The following CNTN6 variants were observed in gnomAD, a reference collection of about 807,000 sequenced individuals.
CNTN6 encodes contactin-6.
A neutral mutation model predicts 122.8 loss-of-function variants in CNTN6; 137 were observed. The ratio of observed to expected loss-of-function variants is 1.12; its 90% confidence interval spans 0.97 to 1.29. The LOEUF is 1.29. CNTN6 is among the 50% of genes most tolerant of loss of function. CNTN6 has a pLI of 0.00. For synonymous variants in CNTN6, 570 were observed against 426.0 expected (o/e 1.34, Z -4.16); for missense variants, 1,634 against 1,223.4 (o/e 1.34, Z -5.01).
At chr3:1,244,131 G>A (rs1575392633) in intron 4 of CNTN6, among the ~76,000 whole-genome samples, 2 of 152,148 alleles carry the variant, frequency 1.3e-5, no homozygotes, top group Admixed American at 1.3e-4. Context: ...CTGGGGCCAA[G>A]CGGTGTTGCA....
chr3:1,266,107 C>T (rs1301432564), intron 4 of CNTN6, among the ~76,000 whole-genome samples: 5 of 151,796 alleles, frequency 3.3e-5, no homozygotes, highest in Non-Finnish European at 7.4e-5. Flanking sequence ...TTCTGCTTAT[C>T]TCTCAGGGTT....
At chr3:1,316,963 T>C (rs1319310586) in intron 7 of CNTN6, among the ~76,000 whole-genome samples, 1 of 151,888 alleles carries the variant, frequency 6.6e-6, no homozygotes, top group African/African-American at 2.4e-5. Context: ...TGCATACATA[T>C]TTTTAAATAA....
chr3:1,245,333 T>G lies in CNTN6; in HGVS notation c.358+17340T>G, dbSNP rs543751312. On this transcript the variant is annotated intron_variant, in intron 4 of 22. Transcript: ENST00000446702. ...ATATATATATATATATATATATATA[T>G]ATAGCATGGAATACTACTCAGCCAT... Among the ~76,000 whole-genome samples, 123 of 87,380 alleles carry G rather than the reference T, an allele frequency of 1.4e-3. 6 individuals carry two copies. Among genetic ancestry groups the G allele is most frequent in the Middle Eastern group, 5.9e-3 (1 of 170 alleles). 57.3% of individuals were successfully genotyped at this position (87,380 alleles called of 152,430 possible).
intron 1 of CNTN6, among the ~76,000 whole-genome samples, chr3:1,110,506 C>T (rs895114973): frequency 1.3e-5 from 2 of 151,952 alleles, no homozygotes; most frequent in East Asian, 3.9e-4. Context: ...CATATTCTAA[C>T]CTTTGAACAT....
chr3:1,213,784 T>G (rs2094083511), intron 2 of CNTN6, among the ~76,000 whole-genome samples: 2 of 150,986 alleles, frequency 1.3e-5, no homozygotes, highest in African/African-American at 4.9e-5. Flanking sequence ...AAAGTAAAAA[T>G]GATAAATAAT....
At chr3:1,215,358 T>A (rs72999895) in intron 2 of CNTN6, among the ~76,000 whole-genome samples, 10,542 of 152,296 alleles carry the variant, frequency 0.069, 455 homozygotes, top group Middle Eastern at 0.11. Flanking sequence ...TTTTTTCACA[T>A]TATGTGAGAT....
At chr3:1,358,567 CA>C (rs1706965515) in intron 12 of CNTN6, among the ~76,000 whole-genome samples, 6 of 151,708 alleles carry the variant, frequency 4.0e-5, no homozygotes. Flanking sequence ...AAGTAGTTAC[CA>C]AATGCTTTCA....
At chr3:1,179,353 A>C (rs781060861) in intron 2 of CNTN6, among the ~76,000 whole-genome samples, 1 of 152,106 alleles carries the variant, frequency 6.6e-6, no homozygotes, top group East Asian at 1.9e-4. Flanking sequence ...GTCTCTACCC[A>C]CACACTTTTG....
intron 2 of CNTN6, among the ~76,000 whole-genome samples, chr3:1,156,689 C>T (rs2092973762): frequency 7.2e-6 from 1 of 138,542 alleles, no homozygotes; most frequent in African/African-American, 2.7e-5. Context: ...CTTTCCCTCC[C>T]TCCCTTCCTT....
intron 7 of CNTN6, among the ~76,000 whole-genome samples, chr3:1,318,806 C>T (rs1700464057): frequency 6.6e-6 from 1 of 151,662 alleles, no homozygotes; most frequent in African/African-American, 2.4e-5. Context: ...ACTTTCAGTT[C>T]TCTCTTTGTG....
intron 1 of CNTN6, among the ~76,000 whole-genome samples, chr3:1,105,202 C>T (rs966699304): frequency 1.7e-4 from 26 of 151,948 alleles, no homozygotes; most frequent in African/African-American, 5.6e-4. Flanking sequence ...AAATACTCTC[C>T]GATTGGATTA....
intron 2 of CNTN6, among the ~76,000 whole-genome samples, chr3:1,202,912 ATTTTC>A (rs1369925977): frequency 6.6e-6 from 1 of 152,136 alleles, no homozygotes; most frequent in Admixed American, 6.5e-5. Flanking sequence ...CTGCTATTTC[ATTTTC>A]TTATTACATA....
chr3:1,209,850 T>C (rs1036950701), intron 2 of CNTN6, among the ~76,000 whole-genome samples: 1 of 152,196 alleles, frequency 6.6e-6, no homozygotes, highest in South Asian at 2.1e-4. Context: ...AACAAATATC[T>C]GAGCAATCTT....
intron 7 of CNTN6, among the ~76,000 whole-genome samples, chr3:1,318,815 T>G (rs1308350797): frequency 6.6e-6 from 1 of 151,660 alleles, no homozygotes; most frequent in Non-Finnish European, 1.5e-5. Context: ...TCTCTCTTTG[T>G]GAAGATAAAT....
At chr3:1,115,168 A>C (rs1212798476) in intron 1 of CNTN6, among the ~76,000 whole-genome samples, 1 of 152,230 alleles carries the variant, frequency 6.6e-6, no homozygotes, top group Non-Finnish European at 1.5e-5. Flanking sequence ...TAACATATGC[A>C]CATAGGCTCT....
intron 2 of CNTN6, among the ~76,000 whole-genome samples, chr3:1,164,805 C>G (rs1050991220): frequency 1.3e-5 from 2 of 152,318 alleles, no homozygotes; most frequent in African/African-American, 4.8e-5. Context: ...CCCCAAAAGT[C>G]AGCCTTGGCC....
intron 20 of CNTN6, among the ~76,000 whole-genome samples, chr3:1,387,926 C>T (rs886990766): frequency 6.6e-6 from 1 of 152,058 alleles, no homozygotes; most frequent in Non-Finnish European, 1.5e-5. Flanking sequence ...CACGGAATCT[C>T]GCTGATTGCT....
chr3:1,166,675 C>T (rs2093256388), intron 2 of CNTN6, among the ~76,000 whole-genome samples: 1 of 152,076 alleles, frequency 6.6e-6, no homozygotes, highest in Admixed American at 6.6e-5. Flanking sequence ...ACCTGTGGCA[C>T]ATATACACCA....
chr3:1,295,146 A>G (rs1695989181), intron 5 of CNTN6, among the ~76,000 whole-genome samples: 1 of 152,204 alleles, frequency 6.6e-6, no homozygotes, highest in East Asian at 1.9e-4. Context: ...GGTCTGTGGT[A>G]GACTTCTTGA....
Sources: gnomAD v4.1 joint callset for allele counts (sites outside exome capture counted in the v4.1 genomes callset) on GRCh38, gnomAD v4.1.1 for gene constraint, MANE v1.5 for transcripts, NCBI Gene and HGNC (gene_info 2026-07-23, HGNC 2026-07-21) for gene names.